Variants in ANKRD36B observed in about 807,000 individuals in gnomAD.
ANKRD36B encodes ankyrin repeat domain 36B.
Under a neutral mutation model 135.7 loss-of-function variants are expected in ANKRD36B, and 37 were observed. The observed-to-expected ratio is 0.27, with a 90% CI of 0.21 to 0.36. The LOEUF (loss-of-function observed/expected upper bound fraction) is 0.36, where lower values mean the gene tolerates loss of function less well. Ranked by LOEUF, ANKRD36B falls within the 10% of genes least tolerant of loss-of-function variation. ANKRD36B has a pLI of 1.00. For missense variants in ANKRD36B, 549 were observed against 1,037.1 expected, an observed-to-expected ratio of 0.53 and a Z score of 6.46; for synonymous variants, 179 against 348.1, an observed-to-expected ratio of 0.51 and a Z score of 5.41.
At chr2:97,584,238 A>G (rs2104346252) in intron 3 of ANKRD36B, among the ~76,000 whole-genome samples, 1 of 110,244 alleles carries the variant, frequency 9.1e-6, no homozygotes, top group East Asian at 2.9e-4. Context: ...TCAGAGTCTT[A>G]CCAAAATTGA....
chr2:97,582,619 G>A (rs1165033554), intron 3 of ANKRD36B, among the ~76,000 whole-genome samples: 1 of 152,184 alleles, frequency 6.6e-6, no homozygotes, highest in Non-Finnish European at 1.5e-5. Flanking sequence ...TCCATGTTGA[G>A]ACAATTTGTA....
At chr2:97,575,648 GA>G (rs1394244368) in intron 6 of ANKRD36B, among the ~76,000 whole-genome samples, 1 of 142,032 alleles carries the variant, frequency 7.0e-6, no homozygotes, top group Non-Finnish European at 1.6e-5. Flanking sequence ...CACAGGAAAA[GA>G]TCCCTATCAA....
At chr2:97,564,647 T>C (rs1402446039) in intron 6 of ANKRD36B, among the ~76,000 whole-genome samples, 1 of 152,184 alleles carries the variant, frequency 6.6e-6, no homozygotes, top group South Asian at 2.1e-4. Flanking sequence ...CCTTTCCCCA[T>C]TGCTTTTGTC....
intron 6 of ANKRD36B, among the ~76,000 whole-genome samples, chr2:97,571,473 G>A (rs1029778179): frequency 4.6e-5 from 7 of 151,870 alleles, no homozygotes; most frequent in African/African-American, 1.5e-4. Context: ...CAGTGAAACC[G>A]CATCTCTACT....
intron 3 of ANKRD36B, among the ~76,000 whole-genome samples, chr2:97,582,711 C>T (rs1250165092): frequency 1.3e-5 from 2 of 152,068 alleles, no homozygotes; most frequent in Admixed American, 6.5e-5. Context: ...TGTCTCCAAG[C>T]GATTGTATGT....
In ANKRD36B at chr2:97,578,255, C is replaced by T. The variant is rs749738982; in HGVS notation, c.695+651G>A. On this transcript the variant is annotated intron_variant, in intron 5 of 43. Transcript: ENST00000359901. ...ACTGAACTAAAAAAAACAGTTGTAACTTTGAAGCCTTTTTATGGATCAACA... is the reference window on the plus strand; with the variant it reads ...ACTGAACTAAAAAAAACAGTTGTAATTTTGAAGCCTTTTTATGGATCAACA... Among the ~76,000 whole-genome samples, 33 of 152,080 alleles carry T rather than the reference C, an allele frequency of 2.2e-4. 1 individual carries two copies. The highest frequency in any genetic ancestry group is 4.0e-4 in the Non-Finnish European group (27 of 67,894).
chr2:97,538,591 C>T lies in ANKRD36B; in HGVS notation c.1988-228G>A, dbSNP rs1350711400. 1.1e-4 allele frequency among the ~76,000 whole-genome samples: 11 copies of T among 96,056 alleles called. 3 individuals carry two copies. Among genetic ancestry groups the T allele is most frequent in the East Asian group, 2.3e-4 (1 of 4,346 alleles). 63.0% of individuals were successfully genotyped at this position (96,056 alleles called of 152,430 possible). ...TCAGAAATTACAAAGAGGTATTTTG[C>T]GTCATGTGTGTATTACTGAAATAAA... On this transcript the variant is annotated intron_variant, in intron 30 of 43. Coordinates refer to ENST00000359901, the MANE Select transcript of ANKRD36B (RefSeq NM_001393939.1).
At chr2:97,532,495 G>C (rs1427588224) in intron 34 of ANKRD36B, 111 bp from the exon 35 acceptor site, 1 of 469,622 alleles carries the variant, frequency 2.1e-6, no homozygotes, top group Non-Finnish European at 3.8e-6. Flanking sequence ...GGCTGAGGCG[G>C]GTGGATCACG....
Position 97,532,995 on chromosome 2 carries a change from A to C in ANKRD36B, c.2192-611T>G, listed in dbSNP as rs1405350535. Among the ~76,000 whole-genome samples the C allele has an allele frequency of 3.1e-5, 3 of 96,352 alleles. 1 individual carries two copies. Among genetic ancestry groups the C allele is most frequent in the African/African-American group, 3.1e-5 (1 of 32,154 alleles). The allele number at this position is 96,352 out of a possible 152,430, so 63.2% of individuals were successfully genotyped here. ...GTAAAAATCCAATAGAAACAGAAAA[A>C]GTAACAGCACACTGTTCTTTACTTC... On this transcript the variant is annotated intron_variant, in intron 34 of 43. Coordinates refer to ENST00000359901, the MANE Select transcript of ANKRD36B (RefSeq NM_001393939.1).
intron 3 of ANKRD36B, among the ~76,000 whole-genome samples, chr2:97,582,594 G>A (rs193163557): frequency 1.1e-3 from 168 of 152,296 alleles, no homozygotes; most frequent in African/African-American, 3.8e-3. Context: ...ATCTGTGCAC[G>A]AGTCTCCTAA....
chr2:97,551,562 C>T, intron 16 of ANKRD36B, 82 bp from the exon 17 acceptor site: 2 of 1,586,908 alleles, frequency 1.3e-6, no homozygotes, highest in Non-Finnish European at 1.7e-6. Context: ...TTTGTATCAA[C>T]CTCTGTCCTC....
At chr2:97,564,593 T>C (rs6542895) in intron 6 of ANKRD36B, among the ~76,000 whole-genome samples, 84,317 of 151,874 alleles carry the variant, frequency 0.56, 24,916 homozygotes, top group Non-Finnish European at 0.67. Flanking sequence ...GTTTCCTGCA[T>C]AAGGCTAGCC....
chr2:97,573,760 C>G (rs1287513315), intron 6 of ANKRD36B, among the ~76,000 whole-genome samples: 2 of 152,108 alleles, frequency 1.3e-5, no homozygotes, highest in Admixed American at 6.6e-5. Context: ...CGATCTTTGA[C>G]AAACCTGAGA....
intron 6 of ANKRD36B, among the ~76,000 whole-genome samples, chr2:97,566,817 T>C (rs1294454596): frequency 5.3e-5 from 8 of 152,064 alleles, no homozygotes; most frequent in African/African-American, 1.9e-4. Flanking sequence ...ACAACAATCA[T>C]CAGCACAGAA....
intron 20 of ANKRD36B, 57 bp downstream of exon 20, chr2:97,549,362 A>G: frequency 6.6e-7 from 1 of 1,508,896 alleles, no homozygotes; most frequent in Admixed American, 2.1e-5. Context: ...TATTTGGGGA[A>G]GAGAACTTCT....
At position 97,578,903 on chromosome 2, in the gene ANKRD36B, T is replaced by C; in HGVS notation, c.695+3A>G. ...TCATTAGCCTTTTTACGTAAAGACT[T>C]ACACTCTATTCTCAGCCTCACTGGC... On this transcript the variant is annotated splice_donor_region_variant and intron_variant, in intron 5 of 43. Transcript: ENST00000359901. 6.2e-7 allele frequency: 1 copy of C among 1,612,502 alleles called. No individual in the cohort carries two copies. Among genetic ancestry groups the C allele is most frequent in the Non-Finnish European group, 8.5e-7 (1 of 1,178,934 alleles).
rs56775263 is a variant in ANKRD36B, at chr2:97,496,833, GTATA to G, written c.*7-3982_*7-3979del. Reference sequence around the variant, plus strand: ...TGTGTGTGTATGTATATATGTGTGTGTATATATATATATATATATATATATATCT... The same window carrying G: ...TGTGTGTGTATGTATATATGTGTGTGTATATATATATATATATATATATCT... On this transcript the variant is annotated intron_variant, in intron 43 of 43. Transcript: ENST00000359901. Among the ~76,000 whole-genome samples the G allele has an allele frequency of 6.2e-3, 386 of 62,064 alleles. 65 individuals are homozygous for G. The highest frequency in any genetic ancestry group is 0.016 in the African/African-American group (181 of 11,404). 40.7% of individuals were successfully genotyped at this position (62,064 alleles called of 152,430 possible).
At chr2:97,567,757 G>C (rs1429802764) in intron 6 of ANKRD36B, among the ~76,000 whole-genome samples, 2 of 152,038 alleles carry the variant, frequency 1.3e-5, no homozygotes, top group African/African-American at 4.8e-5. Context: ...TCGTCCCTTT[G>C]TCAAGTGCAT....
chr2:97,560,534 C>G, intron 8 of ANKRD36B, 131 bp downstream of exon 8: 3 of 1,364,290 alleles, frequency 2.2e-6, no homozygotes, highest in Non-Finnish European at 3.0e-6. Context: ...GAACTCACTA[C>G]AAATGAAGAA....
Sources: gnomAD v4.1 joint callset for allele counts (sites outside exome capture counted in the v4.1 genomes callset) on GRCh38, gnomAD v4.1.1 for gene constraint, MANE v1.5 for transcripts, NCBI Gene and HGNC (gene_info 2026-07-23, HGNC 2026-07-21) for gene names.